Variants in GPC5 observed in about 807,000 individuals in gnomAD.
The protein encoded by GPC5 is glypican-5.
In GPC5, 47 loss-of-function variants were observed where a neutral mutation model predicts 53.9. That is an observed-to-expected ratio of 0.87 (90% CI 0.69 to 1.11). The LOEUF (loss-of-function observed/expected upper bound fraction) is 1.11. Among genes scored for constraint, GPC5 ranks in the 50% most tolerant of loss-of-function variants. The pLI is 0.00. For synonymous variants in GPC5, 286 were observed against 263.3 expected, an observed-to-expected ratio of 1.09 and a Z score of -0.84; for missense variants, 748 against 713.1, an observed-to-expected ratio of 1.05 and a Z score of -0.56.
At chr13:91,750,288 G>C (rs1421177094) in intron 4 of GPC5, among the ~76,000 whole-genome samples, 4 of 152,086 alleles carry the variant, frequency 2.6e-5, no homozygotes, top group Non-Finnish European at 5.9e-5. Context: ...TTTAAATATG[G>C]TCAAACTGTT....
At chr13:92,831,314 T>C (rs1878035625) in intron 7 of GPC5, among the ~76,000 whole-genome samples, 1 of 152,150 alleles carries the variant, frequency 6.6e-6, no homozygotes, top group Non-Finnish European at 1.5e-5. Context: ...CTAATTTAAA[T>C]TTTTTTATAC....
rs866138668 is a variant in GPC5 at position 91,496,281 on chromosome 13, A to G, written c.325+47359A>G. Among the ~76,000 whole-genome samples the G allele has an allele frequency of 5.3e-5, 8 of 152,186 alleles. No individual in the cohort carries two copies. In the South Asian group the frequency reaches 6.2e-4, roughly 12 times the overall value. On this transcript the variant is annotated intron_variant, in intron 2 of 7. Coordinates refer to ENST00000377067, the MANE Select transcript of GPC5 (RefSeq NM_004466.6). Reference sequence around the variant, plus strand: ...TCTTCTGATTCCCATGGCTAGGTATATTCACAAAAGAAGATAAATCAGTAT... The same window carrying G: ...TCTTCTGATTCCCATGGCTAGGTATGTTCACAAAAGAAGATAAATCAGTAT...
At chr13:91,615,860 C>T (rs2033681524) in intron 2 of GPC5, among the ~76,000 whole-genome samples, 1 of 152,052 alleles carries the variant, frequency 6.6e-6, no homozygotes, top group South Asian at 2.1e-4. Context: ...ACTTCACTCC[C>T]CTCCCTTTTA....
At chr13:92,321,602 AACATACATACATACATACAT>A (rs34397471) in intron 7 of GPC5, among the ~76,000 whole-genome samples, 52 of 150,636 alleles carry the variant, frequency 3.5e-4, no homozygotes, top group East Asian at 9.9e-4. Flanking sequence ...CTCCATCTCA[AACATACATACATACATACAT>A]ACATACATAC....
chr13:92,224,211 C>G (rs2042468512), intron 7 of GPC5, among the ~76,000 whole-genome samples: 1 of 152,080 alleles, frequency 6.6e-6, no homozygotes, highest in Non-Finnish European at 1.5e-5. Context: ...GTCAGGCCAT[C>G]AGAATAGCAA....
Position 92,512,657 on chromosome 13 carries a change from A to G in GPC5, c.1562-353625A>G, listed in dbSNP as rs150454067. Among the ~76,000 whole-genome samples, 134 of 152,240 alleles carry G rather than the reference A, an allele frequency of 8.8e-4. 1 individual carries two copies. In the Middle Eastern group the frequency reaches 0.031, roughly 35 times the overall value. ...ATCCAGTTAGCTCTTCTGTATTTTC[A>G]GTGTTCATTTAGAAGAGAAGGGAAG... On this transcript the variant is annotated intron_variant, in intron 7 of 7. Transcript: ENST00000377067.
chr13:92,620,535 A>T (rs1214906168), intron 7 of GPC5, among the ~76,000 whole-genome samples: 15 of 152,226 alleles, frequency 9.9e-5, no homozygotes, highest in Non-Finnish European at 8.8e-5. Flanking sequence ...TGACTTAAAG[A>T]TTAAAATATT....
chr13:91,569,788 T>G (rs575011556), intron 2 of GPC5, among the ~76,000 whole-genome samples: 1 of 152,158 alleles, frequency 6.6e-6, no homozygotes, highest in Non-Finnish European at 1.5e-5. Context: ...AGGCCAATTT[T>G]CCTTCTACCT....
At chr13:91,645,408 A>G (rs2034534430) in intron 2 of GPC5, among the ~76,000 whole-genome samples, 1 of 152,044 alleles carries the variant, frequency 6.6e-6, no homozygotes, top group Non-Finnish European at 1.5e-5. Context: ...ATTGTTTTAT[A>G]CCCTAACTCC....
chr13:91,997,504 C>T (rs2040514520), intron 6 of GPC5, among the ~76,000 whole-genome samples: 1 of 151,738 alleles, frequency 6.6e-6, no homozygotes, highest in African/African-American at 2.4e-5. Flanking sequence ...TGCCATTACA[C>T]TCTCCTCTTG....
At chr13:92,389,206 G>A (rs1048587337) in intron 7 of GPC5, among the ~76,000 whole-genome samples, 12 of 152,052 alleles carry the variant, frequency 7.9e-5, no homozygotes, top group Non-Finnish European at 1.8e-4. Context: ...TTATAGCGGA[G>A]GAAACAGATT....
chr13:91,741,396 A>G (rs2140069671), intron 4 of GPC5, among the ~76,000 whole-genome samples: 1 of 152,348 alleles, frequency 6.6e-6, no homozygotes, highest in African/African-American at 2.4e-5. Context: ...GTTTAATGAA[A>G]GAAATGAGGC....
At chr13:91,782,323 C>T (rs556964963) in intron 5 of GPC5, among the ~76,000 whole-genome samples, 17 of 152,192 alleles carry the variant, frequency 1.1e-4, no homozygotes, top group African/African-American at 4.1e-4. Context: ...AAAGAAATAC[C>T]CGAGACTGGC....
At chr13:92,039,830 A>G (rs2040927903) in intron 6 of GPC5, among the ~76,000 whole-genome samples, 1 of 152,150 alleles carries the variant, frequency 6.6e-6, no homozygotes, top group Non-Finnish European at 1.5e-5. Flanking sequence ...GATTAAGGCC[A>G]ACCCATATGA....
chr13:92,336,779 T>A (rs74107213), intron 7 of GPC5, among the ~76,000 whole-genome samples: 3,955 of 152,264 alleles, frequency 0.026, 179 homozygotes, highest in African/African-American at 0.091. Context: ...ATTAAGTAAG[T>A]GAATGCAATC....
intron 7 of GPC5, among the ~76,000 whole-genome samples, chr13:92,430,946 G>C (rs1877057579): frequency 6.6e-6 from 1 of 152,116 alleles, no homozygotes; most frequent in Non-Finnish European, 1.5e-5. Context: ...AACATGGCAA[G>C]TAAAGCATCA....
Position 92,492,786 on chromosome 13 carries a change from T to A in GPC5, c.1561+347797T>A, listed in dbSNP as rs145609081. Among the ~76,000 whole-genome samples the A allele has an allele frequency of 3.4e-3, 514 of 152,292 alleles. 5 individuals carry two copies. Among genetic ancestry groups the A allele is most frequent in the African/African-American group, 0.012 (501 of 41,578 alleles). ...GAAACAATTTTTAGCATCTCAGAAA[T>A]AAATTTGCCTTTTTTATAAATGCAA... On this transcript the variant is annotated intron_variant, in intron 7 of 7. Transcript: ENST00000377067.
At chr13:92,187,560 CA>C (rs2042192983) in intron 7 of GPC5, among the ~76,000 whole-genome samples, 1 of 152,184 alleles carries the variant, frequency 6.6e-6, no homozygotes, top group Non-Finnish European at 1.5e-5. Flanking sequence ...CAATAAAAAG[CA>C]ATTCCTCTCT....
At chr13:92,381,790 T>A (rs1179974541) in intron 7 of GPC5, among the ~76,000 whole-genome samples, 1 of 95,376 alleles carries the variant, frequency 1.0e-5, no homozygotes, top group Non-Finnish European at 2.2e-5. Flanking sequence ...TAAACTGTGA[T>A]ATATATAGAT....
Sources: gnomAD v4.1 joint callset for allele counts (sites outside exome capture counted in the v4.1 genomes callset) on GRCh38, gnomAD v4.1.1 for gene constraint, MANE v1.5 for transcripts, NCBI Gene and HGNC (gene_info 2026-07-23, HGNC 2026-07-21) for gene names.